ZNF880: variants seen among roughly 807,000 people sequenced by gnomAD.
The protein encoded by ZNF880 is zinc finger protein 880, also known as zinc finger protein LOC400713.
Under a neutral mutation model 11.8 loss-of-function variants are expected in ZNF880, and 12 were observed. That is an observed-to-expected ratio of 1.02 (90% CI 0.65 to 1.65). The LOEUF (loss-of-function observed/expected upper bound fraction) is 1.65. Ranked by LOEUF, ZNF880 falls within the 40% of genes most tolerant of loss-of-function variation. The probability of loss-of-function intolerance (pLI) is 0.00; values close to 1 mark genes in which losing one functional copy is unlikely to be tolerated. For missense variants in ZNF880, 601 were observed against 673.9 expected, an observed-to-expected ratio of 0.89 and a Z score of 1.20; for synonymous variants, 210 against 232.4, an observed-to-expected ratio of 0.90 and a Z score of 0.88.
chr19:52,384,477 T>C lies in ZNF880; in HGVS notation c.897T>C (p.Asn299=), dbSNP rs777273008. Residue 299 remains asparagine (N), a synonymous_variant, in exon 4 of 4, where the codon AAT becomes AAC. Transcript: ENST00000422689. ...IHTGEKPYKC[N]ECGKVFNRNA... is the part of the protein sequence containing the mutation. ...CTGGAGAGAAACCTTACAAATGTAATGAGTGTGGCAAGGTCTTCAACAGAA... is the reference window on the plus strand; with the variant it reads ...CTGGAGAGAAACCTTACAAATGTAACGAGTGTGGCAAGGTCTTCAACAGAA... 2 of 1,613,992 alleles carry C rather than the reference T, an allele frequency of 1.2e-6. No homozygotes were observed. The highest frequency in any genetic ancestry group is 1.1e-5 in the South Asian group (1 of 91,070).
chr19:52,387,805 A>T (rs1986926361), downstream of ZNF880, among the ~76,000 whole-genome samples: 1 of 140,546 alleles, frequency 7.1e-6, no homozygotes, highest in South Asian at 2.2e-4. Context: ...ACTGTACCAC[A>T]ATGTCTTTTT....
At chr19:52,387,709 A>G (rs565344747), downstream of ZNF880, among the ~76,000 whole-genome samples, 2 of 143,458 alleles carry the variant, frequency 1.4e-5, no homozygotes, top group African/African-American at 5.4e-5. Context: ...TCGGCCTCCC[A>G]AAGTGCTAGG....
intron 3 of ZNF880, among the ~76,000 whole-genome samples, chr19:52,378,070 T>C (rs1359509235): frequency 6.6e-6 from 1 of 152,150 alleles, no homozygotes; most frequent in African/African-American, 2.4e-5. Context: ...ACTTTCATGC[T>C]TGTAATCATG....
chr19:52,381,586 A>T (rs2122395145), intron 3 of ZNF880, among the ~76,000 whole-genome samples: 1 of 152,294 alleles, frequency 6.6e-6, no homozygotes, highest in Admixed American at 6.5e-5. Flanking sequence ...CAAACATAGT[A>T]ACTATTAAAA....
At chr19:52,372,751 A>C (rs992314770) in intron 1 of ZNF880, among the ~76,000 whole-genome samples, 1 of 150,568 alleles carries the variant, frequency 6.6e-6, no homozygotes, top group African/African-American at 2.4e-5. Context: ...AATACAAAAA[A>C]AAAAAAAAAT....
At chr19:52,369,801 C>G (rs10423818), upstream of ZNF880, 1 of 747,758 alleles carries the variant, frequency 1.3e-6, no homozygotes, top group Non-Finnish European at 2.3e-6. Flanking sequence ...CTGAGTTCTT[C>G]CAGTCTCCAC....
At position 52,384,377 on chromosome 19, in the gene ZNF880, A is replaced by C. The variant is rs1986796277; in HGVS notation, c.797A>C (p.Lys266Thr). The C allele has an allele frequency of 1.9e-6, 3 of 1,613,828 alleles. No homozygotes were observed. The highest frequency in any genetic ancestry group is 2.5e-6 in the Non-Finnish European group (3 of 1,179,796). ...ARHQRIHTGEKPYKCHECGKV... is the reference protein window; with the variant it reads ...ARHQRIHTGETPYKCHECGKV... ...CATCAGAGAATACATACTGGAGAGAAACCTTACAAATGTCATGAGTGTGGC... is the reference window on the plus strand; with the variant it reads ...CATCAGAGAATACATACTGGAGAGACACCTTACAAATGTCATGAGTGTGGC... Residue 266 changes from lysine (K) to threonine (T), a missense_variant, in exon 4 of 4, where the codon AAA (lysine) becomes ACA (threonine). Lys to Thr is a moderately conservative substitution (Grantham distance 78). Transcript: ENST00000422689.
At chr19:52,388,999 C>T (rs1986971604), downstream of ZNF880, 1 of 152,172 alleles carries the variant, frequency 6.6e-6, no homozygotes, top group Admixed American at 6.6e-5. Flanking sequence ...ACCATAAGAT[C>T]TCATGAGATT....
intron 3 of ZNF880, among the ~76,000 whole-genome samples, chr19:52,381,912 T>G (rs936437727): frequency 7.2e-5 from 11 of 152,152 alleles, no homozygotes; most frequent in Non-Finnish European, 1.5e-4. Flanking sequence ...ATATATGTTA[T>G]GGTCCCATTA....
upstream of ZNF880, among the ~76,000 whole-genome samples, chr19:52,368,320 G>C (rs917783005): frequency 2.0e-5 from 3 of 151,872 alleles, no homozygotes; most frequent in Admixed American, 6.6e-5. Flanking sequence ...GTCACACACA[G>C]AAAGGGAATT....
chr19:52,383,858 C>G lies in ZNF880; in HGVS notation c.278C>G (p.Ser93Cys), dbSNP rs1233822987. The G allele has an allele frequency of 1.3e-6, 2 of 1,543,446 alleles. No homozygotes were observed. Among genetic ancestry groups the G allele is most frequent in the Non-Finnish European group, 1.7e-6 (2 of 1,146,102 alleles). Reference sequence around the variant, plus strand: ...TTTCTTTCTTTTTTAGAGAGCAGCTCTAAATTGGGAAGCAATGCCGGAAAC... The same window carrying G: ...TTTCTTTCTTTTTTAGAGAGCAGCTGTAAATTGGGAAGCAATGCCGGAAAC... Reference protein sequence around the residue: ...CIKGVNAESSSKLGSNAGNKS... With the variant: ...CIKGVNAESSCKLGSNAGNKS... The change falls in exon 4 of 4, where the codon TCT becomes TGT. Residue 93 changes from serine to cysteine, a missense_variant. Physicochemically the swap from Ser to Cys is moderately radical, Grantham distance 112 (BLOSUM62 -1). Transcript: ENST00000422689.
intron 3 of ZNF880, among the ~76,000 whole-genome samples, chr19:52,377,358 C>A (rs959638351): frequency 1.3e-4 from 20 of 152,182 alleles, no homozygotes; most frequent in Non-Finnish European, 1.9e-4. Context: ...CTCTCAAATG[C>A]CACTCAGCAG....
Position 52,376,458 on chromosome 19 carries a change from T to C in ZNF880, c.268+2031T>C, listed in dbSNP as rs184124692. 9.9e-4 allele frequency among the ~76,000 whole-genome samples: 150 copies of C among 151,832 alleles called. 1 individual carries two copies. The highest frequency in any genetic ancestry group is 3.3e-3 in the African/African-American group (135 of 41,408). ...CATATGTTTGTTGGCCATTTCTGTA[T>C]TTTCTTTTGACAATTGTCTATTCAT... On this transcript the variant is annotated intron_variant, in intron 3 of 3. Transcript: ENST00000422689.
At chr19:52,379,281 GT>G in intron 3 of ZNF880, 1 of 341,452 alleles carries the variant, frequency 2.9e-6, no homozygotes, top group Non-Finnish European at 5.7e-6. Flanking sequence ...CACTCCAGGA[GT>G]TTTGGAATGG....
downstream of ZNF880, among the ~76,000 whole-genome samples, chr19:52,386,802 C>CA (rs71180452): frequency 0.3 from 24,029 of 79,924 alleles, 4,036 homozygotes; most frequent in Non-Finnish European, 0.35. Context: ...AACTCTGTCT[C>CA]AAAAAAAAAA....
At position 52,383,836 on chromosome 19, in the gene ZNF880, CTTTCTT is replaced by C; in HGVS notation, c.269-9_269-4del. ...TCATGGGTTGAAGTTCCACTTTTTT[CTTTCTT>C]TTTTAGAGAGCAGCTCTAAATTGGG... On this transcript the variant is annotated splice_region_variant and splice_polypyrimidine_tract_variant and intron_variant, in intron 3 of 3. Coordinates refer to ENST00000422689, the MANE Select transcript of ZNF880 (RefSeq NM_001145434.2). 1 of 1,509,218 alleles carries C rather than the reference CTTTCTT, an allele frequency of 6.6e-7. No homozygotes were observed. The highest frequency in any genetic ancestry group is 8.8e-7 in the Non-Finnish European group (1 of 1,131,356). The allele number at this position is 1,509,218 out of a possible 1,614,324, so 93.5% of individuals were successfully genotyped here.
rs8104812 is a variant in ZNF880, at chr19:52,384,184, A to C, written c.604A>C (p.Asn202His). 0.39 allele frequency: 620,234 copies of C among 1,608,474 alleles called. 121,604 individuals are homozygous for C. Among genetic ancestry groups the C allele is most frequent in the South Asian group, 0.53 (47,658 of 90,664 alleles). The change falls in exon 4 of 4, where the codon AAT becomes CAT. Residue 202 changes from asparagine (N) to histidine (H), a missense_variant. Asn to His is a moderately conservative substitution (Grantham distance 68). Transcript: ENST00000422689. ...AFRVSSRLAN[N>H]QVIHTADNPY... ...TAGAGTGTCTTCAAGACTTGCTAAC[A>C]ATCAAGTAATCCACACTGCAGATAA...
chr19:52,391,309 CAG>C, the ZNF880 span: 1 of 137,358 alleles, frequency 7.3e-6, no homozygotes, highest in African/African-American at 2.8e-5. Flanking sequence ...GGGGATTTAA[CAG>C]GGGAAGCTAG....
chr19:52,374,492 T>A (rs1986496960), intron 3 of ZNF880, 65 bp downstream of exon 3: 1 of 1,539,744 alleles, frequency 6.5e-7, no homozygotes, highest in Non-Finnish European at 8.8e-7. Flanking sequence ...AGGGTCTTGC[T>A]CTGTCACCCA....
Sources: allele counts gnomAD v4.1 joint callset (sites outside exome capture counted in the v4.1 genomes callset), GRCh38; gene constraint gnomAD v4.1.1; transcripts MANE v1.5; gene names NCBI Gene and HGNC (gene_info 2026-07-23, HGNC 2026-07-21).